Variants in ROBO1 observed in about 807,000 individuals in gnomAD.
The protein encoded by ROBO1 is roundabout guidance receptor 1, also known as roundabout homolog 1.
A neutral mutation model predicts 195.9 loss-of-function variants in ROBO1; 149 were observed. The ratio of observed to expected loss-of-function variants is 0.76; its 90% CI spans 0.67 to 0.87. The LOEUF (loss-of-function observed/expected upper bound fraction) is 0.87, where lower values mean the gene tolerates loss of function less well. ROBO1 is among the 40% of genes least tolerant of loss of function. The probability of loss-of-function intolerance (pLI) is 0.00; values close to 1 mark genes in which losing one functional copy is unlikely to be tolerated. For synonymous variants in ROBO1, 816 were observed against 733.2 expected, an observed-to-expected ratio of 1.11 and a Z score of -1.82; for missense variants, 1,933 against 2,068.3, an observed-to-expected ratio of 0.93 and a Z score of 1.27.
At chr3:79,277,667 T>C (rs1253458634) in intron 2 of ROBO1, among the ~76,000 whole-genome samples, 3 of 152,066 alleles carry the variant, frequency 2.0e-5, no homozygotes, top group African/African-American at 7.2e-5. Context: ...CTTGAGGTGA[T>C]GGATACCCCA....
intron 3 of ROBO1, among the ~76,000 whole-genome samples, chr3:79,028,626 A>G (rs2078242634): frequency 6.6e-6 from 1 of 151,972 alleles, no homozygotes; most frequent in Non-Finnish European, 1.5e-5. Flanking sequence ...ACTTTCCACA[A>G]TTTATTAAAT....
chr3:79,361,997 T>C (rs1170111698), intron 2 of ROBO1, among the ~76,000 whole-genome samples: 1 of 152,084 alleles, frequency 6.6e-6, no homozygotes, highest in Admixed American at 6.6e-5. Flanking sequence ...TTATTCCTCC[T>C]GATAAAAGTT....
chr3:78,850,162 C>T (rs573731398), intron 4 of ROBO1, among the ~76,000 whole-genome samples: 57 of 152,242 alleles, frequency 3.7e-4, no homozygotes, highest in Middle Eastern at 3.4e-3. Flanking sequence ...AAAACCACAA[C>T]ATCACTGGAT....
intron 21 of ROBO1, among the ~76,000 whole-genome samples, chr3:78,643,775 A>G (rs755670592): frequency 2.6e-5 from 4 of 152,212 alleles, no homozygotes; most frequent in Non-Finnish European, 5.9e-5. Context: ...AAAGGGAATT[A>G]GCAGGAAATA....
chr3:79,390,433 C>A (rs1031506327), intron 2 of ROBO1, among the ~76,000 whole-genome samples: 4 of 152,006 alleles, frequency 2.6e-5, no homozygotes, highest in Non-Finnish European at 4.4e-5. Flanking sequence ...AAGCTTCAAG[C>A]TCAGGAGGCA....
At chr3:78,827,606 G>A (rs1420520585) in intron 4 of ROBO1, among the ~76,000 whole-genome samples, 2 of 149,094 alleles carry the variant, frequency 1.3e-5, no homozygotes, top group Non-Finnish European at 2.9e-5. Flanking sequence ...GTATCTATCT[G>A]TCTATCTGTA....
At chr3:78,845,299 A>C (rs1013899035) in intron 4 of ROBO1, among the ~76,000 whole-genome samples, 7 of 151,652 alleles carry the variant, frequency 4.6e-5, no homozygotes, top group African/African-American at 1.7e-4. Flanking sequence ...AAAAGTGTAG[A>C]TCTCATTAAC....
At chr3:78,605,104 C>T (rs1483718220) in intron 29 of ROBO1, among the ~76,000 whole-genome samples, 3 of 152,204 alleles carry the variant, frequency 2.0e-5, no homozygotes, top group Non-Finnish European at 4.4e-5. Flanking sequence ...TTTATTCTAA[C>T]CCACAAAAAA....
intron 1 of ROBO1, among the ~76,000 whole-genome samples, chr3:79,716,653 A>G (rs995301814): frequency 6.6e-6 from 1 of 151,988 alleles, no homozygotes; most frequent in African/African-American, 2.4e-5. Context: ...TGTAGCAAAT[A>G]TGGTATTAGA....
intron 2 of ROBO1, among the ~76,000 whole-genome samples, chr3:79,433,072 CAT>C (rs2038744425): frequency 6.6e-6 from 1 of 152,138 alleles, no homozygotes; most frequent in Non-Finnish European, 1.5e-5. Context: ...GGGTATGTTA[CAT>C]AGTTAAATGG....
chr3:79,198,631 T>C (rs765769504), intron 2 of ROBO1, among the ~76,000 whole-genome samples: 4 of 152,108 alleles, frequency 2.6e-5, no homozygotes, highest in Non-Finnish European at 5.9e-5. Flanking sequence ...CTTTGGGCAG[T>C]ATGGTCATTT....
intron 21 of ROBO1, among the ~76,000 whole-genome samples, chr3:78,643,511 A>C: frequency 6.6e-6 from 1 of 152,170 alleles, no homozygotes; most frequent in East Asian, 1.9e-4. Context: ...TAATACATGC[A>C]CAGTGTAGTA....
chr3:78,991,826 A>G (rs151320047), intron 3 of ROBO1, among the ~76,000 whole-genome samples: 100 of 152,264 alleles, frequency 6.6e-4, no homozygotes, highest in Admixed American at 1.4e-3. Context: ...AAATTTAAGA[A>G]GCTAAACATT....
chr3:78,777,984 C>T (rs2083555163), intron 4 of ROBO1, among the ~76,000 whole-genome samples: 1 of 152,082 alleles, frequency 6.6e-6, no homozygotes, highest in Non-Finnish European at 1.5e-5. Context: ...TCATAAATAG[C>T]TCTTATTATT....
chr3:79,117,558 T>C (rs2080029974), intron 3 of ROBO1, among the ~76,000 whole-genome samples: 1 of 152,092 alleles, frequency 6.6e-6, no homozygotes, highest in Non-Finnish European at 1.5e-5. Flanking sequence ...AGGAAGAAAC[T>C]TCCATTTCTT....
intron 5 of ROBO1, among the ~76,000 whole-genome samples, chr3:78,739,990 G>A (rs1158573347): frequency 6.6e-6 from 1 of 152,158 alleles, no homozygotes; most frequent in African/African-American, 2.4e-5. Flanking sequence ...CCCCTTGGTT[G>A]CCCTCTCTTC....
chr3:78,711,343 C>T (rs1575992003), intron 8 of ROBO1, among the ~76,000 whole-genome samples: 1 of 101,426 alleles, frequency 9.9e-6, no homozygotes. Context: ...TTCCTTCCTT[C>T]CTTCCTCCTT....
At chr3:78,951,216 C>A (rs943398706) in intron 3 of ROBO1, among the ~76,000 whole-genome samples, 6 of 151,802 alleles carry the variant, frequency 4.0e-5, no homozygotes, top group Admixed American at 3.9e-4. Flanking sequence ...TCAGTGATTG[C>A]AGTCTTCCAC....
At chr3:79,525,020 A>G (rs1471581643) in intron 2 of ROBO1, among the ~76,000 whole-genome samples, 1 of 151,958 alleles carries the variant, frequency 6.6e-6, no homozygotes, top group Non-Finnish European at 1.5e-5. Flanking sequence ...AGACATATCT[A>G]TTAAATACTT....
Sources: gnomAD v4.1 joint callset for allele counts (sites outside exome capture counted in the v4.1 genomes callset) on GRCh38, gnomAD v4.1.1 for gene constraint, MANE v1.5 for transcripts, NCBI Gene and HGNC (gene_info 2026-07-23, HGNC 2026-07-21) for gene names.